Variants in TENM4 observed in about 807,000 individuals in gnomAD.
The protein encoded by TENM4 is teneurin-4.
A neutral mutation model predicts 243.3 loss-of-function variants in TENM4; 82 were observed. The ratio of observed to expected loss-of-function variants is 0.34; its 90% CI spans 0.28 to 0.40. TENM4 has a LOEUF of 0.40. TENM4 is among the 10% of genes least tolerant of loss of function. The pLI, the probability that TENM4 is intolerant of heterozygous loss-of-function variation, is 1.00. For synonymous variants in TENM4, 1,412 were observed against 1,456.3 expected, an observed-to-expected ratio of 0.97 and a Z score of 0.69; for missense variants, 3,138 against 3,673.3, an observed-to-expected ratio of 0.85 and a Z score of 3.77.
intron 1 of TENM4, among the ~76,000 whole-genome samples, chr11:79,311,561 T>C (rs1856722235): frequency 6.6e-6 from 1 of 152,212 alleles, no homozygotes; most frequent in African/African-American, 2.4e-5. Context: ...AAGCCCACAA[T>C]ATACAGTTTT....
intron 6 of TENM4, among the ~76,000 whole-genome samples, chr11:78,988,063 T>A (rs1315927209): frequency 6.6e-6 from 1 of 152,230 alleles, no homozygotes; most frequent in Non-Finnish European, 1.5e-5. Flanking sequence ...AGAGCGGACC[T>A]GTGATACCAA....
intron 1 of TENM4, among the ~76,000 whole-genome samples, chr11:79,365,642 A>G (rs937658765): frequency 6.6e-6 from 1 of 152,170 alleles, no homozygotes; most frequent in African/African-American, 2.4e-5. Flanking sequence ...TGGAGCTTAC[A>G]CTGCAGTGGG....
At chr11:79,218,072 A>G (rs1017507588) in intron 2 of TENM4, among the ~76,000 whole-genome samples, 1 of 152,224 alleles carries the variant, frequency 6.6e-6, no homozygotes, top group Non-Finnish European at 1.5e-5. Flanking sequence ...GAGTAAACCT[A>G]GAAAAATCCT....
intron 1 of TENM4, among the ~76,000 whole-genome samples, chr11:79,395,377 TCA>T (rs1461984560): frequency 6.6e-6 from 1 of 152,108 alleles, no homozygotes; most frequent in Admixed American, 6.6e-5. Context: ...CAGGGGTGAA[TCA>T]CACAGACTCC....
At chr11:79,160,190 A>G (rs1298391960) in intron 3 of TENM4, among the ~76,000 whole-genome samples, 1 of 152,034 alleles carries the variant, frequency 6.6e-6, no homozygotes, top group Non-Finnish European at 1.5e-5. Context: ...CCCTCCCAGA[A>G]CACTCTCTTC....
chr11:79,055,150 T>G (rs1027939862), intron 6 of TENM4, among the ~76,000 whole-genome samples: 2 of 151,502 alleles, frequency 1.3e-5, no homozygotes, highest in Non-Finnish European at 2.9e-5. Flanking sequence ...AACCTGTAAC[T>G]GGAATAAAAA....
At chr11:79,409,221 C>T (rs1283523970) in intron 1 of TENM4, among the ~76,000 whole-genome samples, 1 of 151,000 alleles carries the variant, frequency 6.6e-6, no homozygotes, top group Non-Finnish European at 1.5e-5. Flanking sequence ...AAAGATTATA[C>T]TAAGGAATAG....
chr11:79,242,004 C>T (rs769183385), intron 2 of TENM4, among the ~76,000 whole-genome samples: 17 of 152,126 alleles, frequency 1.1e-4, no homozygotes, highest in Non-Finnish European at 2.2e-4. Flanking sequence ...GCAACCAGCC[C>T]GAATTTCATT....
intron 3 of TENM4, among the ~76,000 whole-genome samples, chr11:79,189,226 A>G (rs945266621): frequency 1.3e-5 from 2 of 152,236 alleles, no homozygotes; most frequent in Non-Finnish European, 2.9e-5. Context: ...AAAAAAATCT[A>G]AGAGGAACTA....
chr11:79,159,778 A>G (rs1862703134), intron 3 of TENM4, among the ~76,000 whole-genome samples: 1 of 152,094 alleles, frequency 6.6e-6, no homozygotes, highest in Admixed American at 6.5e-5. Context: ...CAATTATTCT[A>G]TTATTTATTC....
intron 1 of TENM4, among the ~76,000 whole-genome samples, chr11:79,364,629 T>C (rs914383216): frequency 6.6e-6 from 1 of 152,240 alleles, no homozygotes; most frequent in African/African-American, 2.4e-5. Flanking sequence ...TTACATGACA[T>C]CTGCACTATC....
intron 6 of TENM4, among the ~76,000 whole-genome samples, chr11:78,989,222 T>G (rs949284763): frequency 6.6e-5 from 10 of 152,264 alleles, no homozygotes; most frequent in African/African-American, 2.4e-4. Flanking sequence ...ATTATTATGT[T>G]CTATTAACAT....
At chr11:78,684,126 G>A (rs538590828) in intron 29 of TENM4, among the ~76,000 whole-genome samples, 1 of 152,298 alleles carries the variant, frequency 6.6e-6, no homozygotes, top group African/African-American at 2.4e-5. Context: ...GAGGGGTGTG[G>A]GAGTCACTGC....
chr11:78,858,713 G>A (rs1045798761), intron 10 of TENM4, among the ~76,000 whole-genome samples: 1 of 152,192 alleles, frequency 6.6e-6, no homozygotes, highest in African/African-American at 2.4e-5. Flanking sequence ...GCCACCAGTG[G>A]TGGAATCATA....
intron 1 of TENM4, among the ~76,000 whole-genome samples, chr11:79,391,079 C>T (rs970378664): frequency 5.3e-5 from 8 of 152,080 alleles, no homozygotes; most frequent in South Asian, 2.1e-4. Context: ...GTGCCAAGCC[C>T]GGCTCTGCCA....
chr11:79,157,485 G>C (rs1480172350), intron 3 of TENM4, among the ~76,000 whole-genome samples: 2 of 152,114 alleles, frequency 1.3e-5, no homozygotes, highest in African/African-American at 2.4e-5. Flanking sequence ...GCCTGGCTCT[G>C]TGCTCTATGT....
intron 2 of TENM4, chr11:79,221,028 G>A (rs1159107671): frequency 6.6e-6 from 1 of 152,224 alleles, no homozygotes; most frequent in African/African-American, 2.4e-5. Flanking sequence ...CCGATTATAT[G>A]TGCCAGCATT....
Position 79,278,850 on chromosome 11 carries a change from A to C in TENM4, c.-265+18638T>G, listed in dbSNP as rs1856105741. Among the ~76,000 whole-genome samples, 4 of 152,206 alleles carry C rather than the reference A, an allele frequency of 2.6e-5. No homozygotes were observed. The South Asian group carries it at 8.3e-4, about 32-fold the overall frequency. On this transcript the variant is annotated intron_variant, in intron 2 of 33. Coordinates refer to ENST00000278550, the MANE Select transcript of TENM4 (RefSeq NM_001098816.3). ...CACTGTCACTATCAGGAAATCACAA[A>C]CAACAGGATTGTTTTCAAGGTGAGG...
At chr11:79,423,285 G>A (rs1354173581) in intron 1 of TENM4, among the ~76,000 whole-genome samples, 1 of 152,078 alleles carries the variant, frequency 6.6e-6, no homozygotes, top group African/African-American at 2.4e-5. Flanking sequence ...TCCCAAATCA[G>A]TTGCAACCCC....
Sources: gnomAD v4.1 joint callset for allele counts (sites outside exome capture counted in the v4.1 genomes callset) on GRCh38, gnomAD v4.1.1 for gene constraint, MANE v1.5 for transcripts, NCBI Gene and HGNC (gene_info 2026-07-23, HGNC 2026-07-21) for gene names.